Variants in PARM1 observed in about 807,000 individuals in gnomAD.
PARM1 encodes prostate androgen-regulated mucin-like protein 1, also known as WSC4, cell wall integrity and stress response component 4 homolog.
Under a neutral mutation model 24.6 loss-of-function variants are expected in PARM1, and 14 were observed. The observed-to-expected ratio is 0.57, with a 90% CI of 0.38 to 0.89. PARM1 has a LOEUF of 0.89. PARM1 is among the 40% of genes least tolerant of loss of function. The pLI, the probability that PARM1 is intolerant of heterozygous loss-of-function variation, is 0.00. For missense variants in PARM1, 362 were observed against 380.4 expected, an observed-to-expected ratio of 0.95 and a Z score of 0.40; for synonymous variants, 179 against 156.6, an observed-to-expected ratio of 1.14 and a Z score of -1.07.
intron 3 of PARM1, among the ~76,000 whole-genome samples, chr4:75,035,099 T>C (rs543383336): frequency 6.6e-5 from 10 of 152,364 alleles, no homozygotes; most frequent in African/African-American, 2.4e-4. Flanking sequence ...TTCTAGCTCC[T>C]TCTCATGCTG....
intron 1 of PARM1, among the ~76,000 whole-genome samples, chr4:75,004,099 G>T (rs1188027037): frequency 6.6e-6 from 1 of 152,138 alleles, no homozygotes; most frequent in African/African-American, 2.4e-5. Context: ...CCACAATTTT[G>T]TGTTAACAGG....
At chr4:74,936,365 A>G (rs1012329884) in intron 1 of PARM1, among the ~76,000 whole-genome samples, 1 of 151,784 alleles carries the variant, frequency 6.6e-6, no homozygotes, top group Non-Finnish European at 1.5e-5. Flanking sequence ...GGTAGCTTCC[A>G]CATTTATCCC....
chr4:74,999,576 A>T (rs1164998400), intron 1 of PARM1, among the ~76,000 whole-genome samples: 1 of 152,242 alleles, frequency 6.6e-6, no homozygotes, highest in Non-Finnish European at 1.5e-5. Flanking sequence ...CTTCCTCCAT[A>T]TAATTTAGAT....
At chr4:75,016,503 A>G (rs1354251232) in intron 2 of PARM1, among the ~76,000 whole-genome samples, 1 of 152,154 alleles carries the variant, frequency 6.6e-6, no homozygotes, top group Non-Finnish European at 1.5e-5. Flanking sequence ...AACTGATCCC[A>G]TCACCCAGGT....
At chr4:74,989,855 G>T (rs1722431653) in intron 1 of PARM1, among the ~76,000 whole-genome samples, 2 of 152,128 alleles carry the variant, frequency 1.3e-5, no homozygotes, top group Non-Finnish European at 1.5e-5. Context: ...CAGAAAATGG[G>T]ATAAAGACCA....
chr4:74,960,930 G>A (rs544558342), intron 1 of PARM1, among the ~76,000 whole-genome samples: 12 of 151,646 alleles, frequency 7.9e-5, no homozygotes, highest in South Asian at 2.1e-4. Context: ...GCGTGAACCC[G>A]GGAGGCGGAG....
chr4:74,972,752 T>C (rs1285402387), intron 1 of PARM1, among the ~76,000 whole-genome samples: 1 of 152,240 alleles, frequency 6.6e-6, no homozygotes, highest in African/African-American at 2.4e-5. Context: ...TAGTAACAGA[T>C]AAGCCTCTAC....
At chr4:74,941,751 G>C (rs1721313992) in intron 1 of PARM1, among the ~76,000 whole-genome samples, 1 of 152,156 alleles carries the variant, frequency 6.6e-6, no homozygotes, top group Non-Finnish European at 1.5e-5. Context: ...AATGCCCTGT[G>C]ATGTAAAGAT....
chr4:74,958,425 G>A (rs1019889870), intron 1 of PARM1, among the ~76,000 whole-genome samples: 31 of 152,088 alleles, frequency 2.0e-4, no homozygotes, highest in Admixed American at 2.6e-4. Flanking sequence ...AAAGCAGACC[G>A]GGTAACTATT....
intron 1 of PARM1, among the ~76,000 whole-genome samples, chr4:75,005,090 A>G (rs567257942): frequency 7.2e-5 from 11 of 152,268 alleles, no homozygotes; most frequent in African/African-American, 2.4e-4. Flanking sequence ...TTGTTAATAT[A>G]TGTGTTAAAC....
At chr4:74,969,697 C>T (rs995603671) in intron 1 of PARM1, 1 of 152,220 alleles carries the variant, frequency 6.6e-6, no homozygotes, top group African/African-American at 2.4e-5. Context: ...AGTAGTGTTG[C>T]AATGAAACTA....
intron 1 of PARM1, among the ~76,000 whole-genome samples, chr4:74,972,450 T>C (rs1429558157): frequency 6.6e-6 from 1 of 152,234 alleles, no homozygotes; most frequent in East Asian, 1.9e-4. Flanking sequence ...TAAAATAACT[T>C]CAGAAAGAAG....
rs1723656753 is a variant in PARM1, at chr4:75,048,539, A to T, written c.*2292A>T. 1 of 152,222 alleles carries T rather than the reference A, an allele frequency of 6.6e-6. No individual in the cohort carries two copies. Among genetic ancestry groups the T allele is most frequent in the Non-Finnish European group, 1.5e-5 (1 of 68,042 alleles). The allele number at this position is 152,222 out of a possible 1,614,324, so 9.4% of individuals were successfully genotyped here. A position where few individuals can be genotyped will look rare whatever the true frequency, so the allele number is the denominator to read the frequency against. The stretch of plus-strand genomic sequence containing the variant: ...TTCTCCATCGGCCAAAAACATTTTG[A>T]CACAATGTTTGTGAAACACCTTTGG... On this transcript the variant is annotated 3_prime_UTR_variant, in exon 4 of 4. Coordinates refer to ENST00000307428, the MANE Select transcript of PARM1 (RefSeq NM_015393.4).
chr4:75,028,273 A>G (rs1315286498), intron 2 of PARM1, among the ~76,000 whole-genome samples: 1 of 152,222 alleles, frequency 6.6e-6, no homozygotes, highest in Non-Finnish European at 1.5e-5. Flanking sequence ...AGCCTAGCAT[A>G]ATAAATAGAG....
intron 1 of PARM1, among the ~76,000 whole-genome samples, chr4:74,987,798 G>A (rs899360036): frequency 6.6e-6 from 1 of 152,166 alleles, no homozygotes; most frequent in Non-Finnish European, 1.5e-5. Context: ...ATGTAAAGAA[G>A]CAAGTTGGCA....
At chr4:74,949,021 C>CA (rs555140512) in intron 1 of PARM1, among the ~76,000 whole-genome samples, 60 of 144,546 alleles carry the variant, frequency 4.2e-4, no homozygotes, top group East Asian at 1.4e-3. Flanking sequence ...GACTCTGTCT[C>CA]AAAAAAAAAC....
rs747179918 is a variant in PARM1 at position 75,012,382 on chromosome 4, G to A, written c.44-43G>A. The A allele has an allele frequency of 2.4e-5, 38 of 1,589,322 alleles. 1 individual carries two copies. In the Middle Eastern group the frequency reaches 8.3e-4, roughly 35 times the overall value. Reference sequence around the variant, plus strand: ...CCTTGCCTCTATTTCACATATTACCGTGTTTTCACATATTAACCACTTTTG... The same window carrying A: ...CCTTGCCTCTATTTCACATATTACCATGTTTTCACATATTAACCACTTTTG... On this transcript the variant is annotated intron_variant, in intron 1 of 3. Coordinates refer to ENST00000307428, the MANE Select transcript of PARM1 (RefSeq NM_015393.4).
At chr4:74,974,924 C>T (rs1722111688) in intron 1 of PARM1, among the ~76,000 whole-genome samples, 1 of 152,156 alleles carries the variant, frequency 6.6e-6, no homozygotes, top group South Asian at 2.1e-4. Context: ...AAGGGCATCT[C>T]CCCAGAACCT....
chr4:74,962,134 C>G (rs1721787448), intron 1 of PARM1, among the ~76,000 whole-genome samples: 1 of 152,088 alleles, frequency 6.6e-6, no homozygotes, highest in Non-Finnish European at 1.5e-5. Flanking sequence ...TGTAAAGATA[C>G]AGTTCTGTAA....
Sources: allele counts gnomAD v4.1 joint callset (sites outside exome capture counted in the v4.1 genomes callset), GRCh38; gene constraint gnomAD v4.1.1; transcripts MANE v1.5; gene names NCBI Gene and HGNC (gene_info 2026-07-23, HGNC 2026-07-21).